Variants in MOXD1 observed in about 807,000 individuals in gnomAD.
MOXD1 encodes DBH-like monooxygenase protein 1.
Under a neutral mutation model 66.6 loss-of-function variants are expected in MOXD1, and 62 were observed. The ratio of observed to expected loss-of-function variants is 0.93; its 90% confidence interval spans 0.76 to 1.15. MOXD1 has a LOEUF of 1.15. Ranked by LOEUF, MOXD1 falls within the 50% of genes most tolerant of loss-of-function variation. The pLI is 0.00. For synonymous variants in MOXD1, 303 were observed against 281.9 expected (o/e 1.07, Z -0.75); for missense variants, 847 against 754.6 (o/e 1.12, Z -1.44).
chr6:132,312,813 A>T (rs950095645), intron 10 of MOXD1, among the ~76,000 whole-genome samples: 4 of 151,926 alleles, frequency 2.6e-5, no homozygotes, highest in African/African-American at 9.7e-5. Flanking sequence ...AACTTAAAAA[A>T]AAAAAATAGG....
At chr6:132,299,737 C>G (rs2223373) in intron 10 of MOXD1, among the ~76,000 whole-genome samples, 8,522 of 152,086 alleles carry the variant, frequency 0.056, 606 homozygotes, top group East Asian at 0.33. Context: ...ATCCATGGAC[C>G]TTGCAGGAAA....
chr6:132,301,079 T>C (rs1355538309), intron 10 of MOXD1, among the ~76,000 whole-genome samples: 3 of 152,064 alleles, frequency 2.0e-5, no homozygotes, highest in Non-Finnish European at 4.4e-5. Flanking sequence ...TTTCTGCTTT[T>C]ACTGGGATTA....
intron 7 of MOXD1, 94 bp downstream of exon 7, chr6:132,323,837 A>T (rs1353283654): frequency 7.6e-7 from 1 of 1,317,714 alleles, no homozygotes; most frequent in East Asian, 2.6e-5. Context: ...CAAGAAAGGA[A>T]TCGATAATAA....
chr6:132,401,360 G>A lies in MOXD1; in HGVS notation c.67C>T (p.Arg23Ter), dbSNP rs1410754688. 1.3e-6 allele frequency: 2 copies of A among 1,557,864 alleles called. No homozygotes were observed. Among genetic ancestry groups the A allele is most frequent in the South Asian group, 1.2e-5 (1 of 85,022 alleles). Residue 23 changes from arginine (R) to a stop codon, truncating the protein, a stop_gained, in exon 1 of 12, where the codon CGA becomes TGA. Transcript: ENST00000367963. LOFTEE classifies it high-confidence loss of function. ...AGGAGGGTCCGGTGCGGATAGGTTC[G>A]GCCCGAGCCCCCCGCCGCCGTCCCG... The part of the protein sequence containing the change: ...LPGTAAGGSG[R>*]TYPHRTLLDS...
chr6:132,370,671 C>T (rs1776246241), intron 4 of MOXD1, among the ~76,000 whole-genome samples: 1 of 152,074 alleles, frequency 6.6e-6, no homozygotes, highest in South Asian at 2.1e-4. Context: ...TCCCTCAAAT[C>T]CCTTTTGCTC....
intron 4 of MOXD1, among the ~76,000 whole-genome samples, chr6:132,361,875 T>C (rs1246523614): frequency 1.3e-5 from 2 of 152,178 alleles, no homozygotes; most frequent in African/African-American, 4.8e-5. Flanking sequence ...ACATTCATGT[T>C]AAATGACCCA....
rs182671973 is a variant in MOXD1 at position 132,323,036 on chromosome 6, T to G, written c.1114-166A>C. ...AATTCGGATTGTTCAGTGTTCTCCTTGTGAAGCAACATTTGCCGGGAGAAA... is the reference window on the plus strand; with the variant it reads ...AATTCGGATTGTTCAGTGTTCTCCTGGTGAAGCAACATTTGCCGGGAGAAA... On this transcript the variant is annotated intron_variant, in intron 7 of 11. Transcript: ENST00000367963. Among the ~76,000 whole-genome samples, 60 of 152,326 alleles carry G rather than the reference T, an allele frequency of 3.9e-4. No homozygotes were observed. The East Asian group carries it at 9.6e-3, about 24-fold the overall frequency.
chr6:132,326,567 A>G (rs913101161), intron 6 of MOXD1, among the ~76,000 whole-genome samples: 4 of 152,152 alleles, frequency 2.6e-5, no homozygotes, highest in Admixed American at 6.5e-5. Context: ...GACATATTCA[A>G]TAATTAATCC....
chr6:132,373,508 A>T (rs1322493423), intron 2 of MOXD1, among the ~76,000 whole-genome samples: 1 of 152,226 alleles, frequency 6.6e-6, no homozygotes, highest in Non-Finnish European at 1.5e-5. Context: ...ATTTACAGAA[A>T]ATATAAATAT....
chr6:132,381,056 G>A (rs757623665), intron 1 of MOXD1, among the ~76,000 whole-genome samples: 1 of 152,154 alleles, frequency 6.6e-6, no homozygotes, highest in African/African-American at 2.4e-5. Context: ...GATCTAAGAG[G>A]GAGAAGTCAT....
In MOXD1 at chr6:132,401,328, CGAGTCCA is replaced by C. The variant is rs1777022785; in HGVS notation, c.92_98del (p.Leu31ArgfsTer66). 4 of 1,588,290 alleles carry C rather than the reference CGAGTCCA, an allele frequency of 2.5e-6. No homozygotes were observed. Among genetic ancestry groups the C allele is most frequent in the Non-Finnish European group, 3.4e-6 (4 of 1,172,230 alleles). On this transcript the variant is annotated frameshift_variant, in exon 1 of 12. Coordinates refer to ENST00000367963, the MANE Select transcript of MOXD1 (RefSeq NM_015529.4). LOFTEE classifies it high-confidence loss of function. ...TCCAGCCCAGCCAGTACTTGCCCTCCGAGTCCAGGAGGGTCCGGTGCGGATAGGTTCG... is the reference window on the plus strand; with the variant it reads ...TCCAGCCCAGCCAGTACTTGCCCTCCGGAGGGTCCGGTGCGGATAGGTTCG...
intron 4 of MOXD1, among the ~76,000 whole-genome samples, chr6:132,335,551 C>G (rs1182264941): frequency 6.6e-6 from 1 of 152,106 alleles, no homozygotes; most frequent in African/African-American, 2.4e-5. Context: ...GATGCTGCCA[C>G]AAGCCCAGGA....
At chr6:132,382,558 C>T (rs1776532700) in intron 1 of MOXD1, among the ~76,000 whole-genome samples, 1 of 152,054 alleles carries the variant, frequency 6.6e-6, no homozygotes, top group African/African-American at 2.4e-5. Context: ...ATAAAAATTA[C>T]TTGTTACACC....
At chr6:132,376,601 C>A (rs1325946388) in intron 1 of MOXD1, among the ~76,000 whole-genome samples, 1 of 63,494 alleles carries the variant, frequency 1.6e-5, no homozygotes, top group Non-Finnish European at 2.3e-5. Flanking sequence ...GCAAGCTCCG[C>A]CTCCCGGGTT....
intron 1 of MOXD1, among the ~76,000 whole-genome samples, chr6:132,397,628 G>A (rs968595154): frequency 6.3e-5 from 8 of 126,538 alleles, no homozygotes; most frequent in Non-Finnish European, 1.3e-4. Context: ...GAGAGAGAGA[G>A]AGAGAGACAG....
intron 1 of MOXD1, among the ~76,000 whole-genome samples, chr6:132,375,487 T>G (rs374021642): frequency 1.2e-3 from 178 of 152,254 alleles, no homozygotes; most frequent in African/African-American, 3.9e-3. Flanking sequence ...TGCAATGGCA[T>G]GACCTCTGCT....
intron 4 of MOXD1, among the ~76,000 whole-genome samples, chr6:132,360,478 C>A (rs1353814470): frequency 1.3e-5 from 2 of 152,108 alleles, no homozygotes; most frequent in Non-Finnish European, 2.9e-5. Context: ...TCTGTTTATG[C>A]CTCTGCAGTC....
rs182561992 is a variant in MOXD1, at chr6:132,352,573, G to T, written c.663+20035C>A. Among the ~76,000 whole-genome samples the T allele has an allele frequency of 1.2e-4, 18 of 152,202 alleles. No homozygotes were observed. In the East Asian group the frequency reaches 3.3e-3, roughly 28 times the overall value. ...CTATCACGTGTCCTGTCTTGGAGAA[G>T]GTTCCATGCACTGTTGAAAAGAATG... On this transcript the variant is annotated intron_variant, in intron 4 of 11. Coordinates refer to ENST00000367963, the MANE Select transcript of MOXD1 (RefSeq NM_015529.4).
chr6:132,323,510 T>TA, intron 7 of MOXD1, among the ~76,000 whole-genome samples: 1 of 152,180 alleles, frequency 6.6e-6, no homozygotes, highest in African/African-American at 2.4e-5. Context: ...TATATTTTTT[T>TA]ATATTAGTTA....
Sources: allele counts gnomAD v4.1 joint callset (sites outside exome capture counted in the v4.1 genomes callset), GRCh38; gene constraint gnomAD v4.1.1; transcripts MANE v1.5; gene names NCBI Gene and HGNC (gene_info 2026-07-23, HGNC 2026-07-21).